Variants in CELF2 observed in about 807,000 individuals in gnomAD.
The protein encoded by CELF2 is CUGBP Elav-like family member 2, also known as CUG triplet repeat RNA-binding protein 2.
CELF2 carries 8 observed loss-of-function variants against 62.6 expected under a neutral mutation model. That is an observed-to-expected ratio of 0.13 (90% CI 0.07 to 0.23). CELF2 has a LOEUF of 0.23. Ranked by LOEUF, CELF2 falls within the 10% of genes least tolerant of loss-of-function variation. The probability of loss-of-function intolerance (pLI) is 1.00; values close to 1 mark genes in which losing one functional copy is unlikely to be tolerated. For missense variants in CELF2, 333 were observed against 671.0 expected, an observed-to-expected ratio of 0.50 and a Z score of 5.56; for synonymous variants, 258 against 250.0, an observed-to-expected ratio of 1.03 and a Z score of -0.30.
At chr10:10,613,221 G>A in the CELF2 span, among the ~76,000 whole-genome samples, 79 of 152,144 alleles carry the variant, frequency 5.2e-4, no homozygotes, top group East Asian at 5.8e-4. Context: ...TTTTCTGTTC[G>A]TCCTCAAAGT....
At chr10:10,488,829 C>G in the CELF2 span, among the ~76,000 whole-genome samples, 1 of 152,010 alleles carries the variant, frequency 6.6e-6, no homozygotes, top group Non-Finnish European at 1.5e-5. Context: ...CCATTCTTTT[C>G]CTTCAAGGTT....
At chr10:10,658,033 A>T in the CELF2 span, among the ~76,000 whole-genome samples, 1 of 152,354 alleles carries the variant, frequency 6.6e-6, no homozygotes, top group South Asian at 2.1e-4. Flanking sequence ...CCACTATGAA[A>T]CAGAGAGGAA....
At chr10:10,795,316 T>A (rs181142700), upstream of CELF2, among the ~76,000 whole-genome samples, 754 of 149,358 alleles carry the variant, frequency 5.0e-3, 4 homozygotes, top group Middle Eastern at 0.021. Flanking sequence ...CCAAAAAAAA[T>A]TTTTTTTTTA....
At chr10:10,659,106 G>C in the CELF2 span, among the ~76,000 whole-genome samples, 4 of 152,142 alleles carry the variant, frequency 2.6e-5, no homozygotes, top group African/African-American at 9.7e-5. Flanking sequence ...TTGTAGAAAT[G>C]CTGTTCAAAT....
the CELF2 span, among the ~76,000 whole-genome samples, chr10:10,773,522 A>G: frequency 6.6e-6 from 1 of 152,242 alleles, no homozygotes; most frequent in South Asian, 2.1e-4. Context: ...ATGGGTAAAA[A>G]TAAGCCACTG....
At position 11,234,679 on chromosome 10, in the gene CELF2, CAAAAAAAAAAA is replaced by C. The variant is rs11387214; in HGVS notation, c.355-14462_355-14452del. 4.4e-4 allele frequency among the ~76,000 whole-genome samples: 37 copies of C among 83,282 alleles called. 1 individual carries two copies. The Admixed American group carries it at 5.2e-3, about 12-fold the overall frequency. The allele number at this position is 83,282 out of a possible 152,430, so 54.6% of individuals were successfully genotyped here. A position where few individuals can be genotyped will look rare whatever the true frequency, so the allele number is the denominator to read the frequency against. ...CCTGGGTGACAGTGAGACTCCATCT[CAAAAAAAAAAA>C]AAAAAAAAAAATTCAAGTTCTTTAC... On this transcript the variant is annotated intron_variant, in intron 3 of 12. Transcript: ENST00000633077.
At chr10:10,753,075 G>C in the CELF2 span, among the ~76,000 whole-genome samples, 5 of 152,094 alleles carry the variant, frequency 3.3e-5, no homozygotes, top group African/African-American at 1.2e-4. Context: ...TTAAATGAAA[G>C]ACATAGAATA....
chr10:10,667,012 G>A, the CELF2 span, among the ~76,000 whole-genome samples: 6 of 151,968 alleles, frequency 3.9e-5, no homozygotes, highest in Non-Finnish European at 8.8e-5. Flanking sequence ...TAAGCCAAAG[G>A]CCCTCTAAAA....
At chr10:10,941,667 G>A (rs1423918663) in intron 2 of CELF2, among the ~76,000 whole-genome samples, 2 of 152,160 alleles carry the variant, frequency 1.3e-5, no homozygotes, top group African/African-American at 2.4e-5. Flanking sequence ...AGAAGGATAT[G>A]CGTGTTACTT....
chr10:11,181,990 A>G (rs1405359024), intron 2 of CELF2, among the ~76,000 whole-genome samples: 4 of 152,226 alleles, frequency 2.6e-5, no homozygotes, highest in African/African-American at 9.6e-5. Context: ...ATATTGTTTC[A>G]GCTGAAGCAA....
the CELF2 span, among the ~76,000 whole-genome samples, chr10:10,722,615 C>CT: frequency 6.6e-6 from 1 of 152,162 alleles, no homozygotes; most frequent in South Asian, 2.1e-4. Context: ...AACTTCTGCT[C>CT]TTTTCAAGAA....
At chr10:11,032,978 A>G (rs1195364567) in intron 1 of CELF2, among the ~76,000 whole-genome samples, 1 of 152,250 alleles carries the variant, frequency 6.6e-6, no homozygotes, top group African/African-American at 2.4e-5. Context: ...CTGTAATACA[A>G]AGATTACCAA....
intron 1 of CELF2, among the ~76,000 whole-genome samples, chr10:10,892,405 G>A (rs1421739448): frequency 6.6e-6 from 1 of 151,996 alleles, no homozygotes; most frequent in Non-Finnish European, 1.5e-5. Context: ...GCCTGACCTG[G>A]AGCACACACT....
the CELF2 span, among the ~76,000 whole-genome samples, chr10:10,787,092 A>G: frequency 6.6e-6 from 1 of 152,218 alleles, no homozygotes; most frequent in Non-Finnish European, 1.5e-5. Flanking sequence ...TATGTGTTAA[A>G]TATTCAGTTA....
At chr10:11,042,100 C>A (rs1226638509) in intron 1 of CELF2, among the ~76,000 whole-genome samples, 3 of 152,158 alleles carry the variant, frequency 2.0e-5, no homozygotes, top group Admixed American at 6.5e-5. Context: ...AAAAGGAAAG[C>A]TGGGGGCTTA....
At chr10:11,100,976 G>C (rs1160029665) in intron 1 of CELF2, among the ~76,000 whole-genome samples, 1 of 152,150 alleles carries the variant, frequency 6.6e-6, no homozygotes, top group African/African-American at 2.4e-5. Flanking sequence ...AAACACCTTT[G>C]GGGCTGTCTA....
intron 1 of CELF2, among the ~76,000 whole-genome samples, chr10:11,111,378 G>T (rs2143015492): frequency 6.6e-6 from 1 of 152,294 alleles, no homozygotes; most frequent in Admixed American, 6.5e-5. Context: ...CTTTGTTACT[G>T]ATAAGTGTTT....
At chr10:10,937,913 C>T (rs1415757659) in intron 2 of CELF2, among the ~76,000 whole-genome samples, 1 of 152,112 alleles carries the variant, frequency 6.6e-6, no homozygotes, top group Non-Finnish European at 1.5e-5. Flanking sequence ...TGGAAACTGA[C>T]ATTTATTGAC....
chr10:11,204,331 C>T (rs908675605), intron 2 of CELF2, among the ~76,000 whole-genome samples: 2 of 152,232 alleles, frequency 1.3e-5, no homozygotes, highest in Admixed American at 6.5e-5. Flanking sequence ...CTAGAAGTAA[C>T]TATACCAGAG....
Sources: gnomAD v4.1 joint callset for allele counts (sites outside exome capture counted in the v4.1 genomes callset) on GRCh38, gnomAD v4.1.1 for gene constraint, MANE v1.5 for transcripts, NCBI Gene and HGNC (gene_info 2026-07-23, HGNC 2026-07-21) for gene names.